The following KCP variants were observed in gnomAD, a reference collection of about 807,000 sequenced individuals.
KCP encodes the protein kielin cysteine rich BMP regulator, also known as kielin/chordin-like protein.
Under a neutral mutation model 212.7 loss-of-function variants are expected in KCP, and 194 were observed. The ratio of observed to expected loss-of-function variants is 0.91; its 90% CI spans 0.81 to 1.03. KCP has a LOEUF of 1.03. KCP is among the 50% of genes least tolerant of loss of function. The probability of loss-of-function intolerance (pLI) is 0.00; values close to 1 mark genes in which losing one functional copy is unlikely to be tolerated. For synonymous variants in KCP, 833 were observed against 865.3 expected, an observed-to-expected ratio of 0.96 and a Z score of 0.65; for missense variants, 2,080 against 2,162.5, an observed-to-expected ratio of 0.96 and a Z score of 0.76.
chr7:128,882,438 A>G (rs1281855315), intron 29 of KCP, among the ~76,000 whole-genome samples: 1 of 152,206 alleles, frequency 6.6e-6, no homozygotes, highest in East Asian at 1.9e-4. Context: ...ATTAGGTTGG[A>G]TTAATCCACC....
intron 2 of KCP, 67 bp downstream of exon 2, chr7:128,908,359 C>G: frequency 1.4e-6 from 2 of 1,467,528 alleles, no homozygotes; most frequent in Non-Finnish European, 1.8e-6. Context: ...AAGCCTAACT[C>G]CTTCTCTCCC....
rs565264848 is a variant in KCP at position 128,907,436 on chromosome 7, C to T, written c.237G>A (p.Thr79=). ...ELREQNKDLQ[T]RVRQLESCEC... ...CACAGGACTCCAGCTGCCTCACCCTCGTCTGCAGGTCCTTATTCTGGAGGA... is the reference window on the plus strand; with the variant it reads ...CACAGGACTCCAGCTGCCTCACCCTTGTCTGCAGGTCCTTATTCTGGAGGA... Residue 79 remains threonine (T), a synonymous_variant, in exon 3 of 40, where the codon ACG becomes ACA. Coordinates refer to ENST00000610776, the MANE Select transcript of KCP (RefSeq NM_001366122.1). The T allele has an allele frequency of 9.3e-5, 140 of 1,498,080 alleles. 1 individual carries two copies. The South Asian group carries it at 1.0e-3, about 11-fold the overall frequency. 92.8% of individuals were successfully genotyped at this position (1,498,080 alleles called of 1,614,324 possible).
At position 128,904,124 on chromosome 7, in the gene KCP, C is replaced by T. The variant is rs1795002865; in HGVS notation, c.586G>A (p.Gly196Arg). The T allele has an allele frequency of 1.3e-6, 2 of 1,551,526 alleles. No homozygotes were observed. The highest frequency in any genetic ancestry group is 2.7e-5 in the African/African-American group (2 of 72,998). The change falls in exon 6 of 40, where the codon GGG (glycine) becomes AGG (arginine). Residue 196 changes from glycine to arginine, a missense_variant. Physicochemically the swap from Gly to Arg is moderately radical, Grantham distance 125 (BLOSUM62 -2). Coordinates refer to ENST00000610776, the MANE Select transcript of KCP (RefSeq NM_001366122.1). ...GTGACCCCCTCCTCATAAAGCTGCC[C>T]CTCATAATCACAGCCTGGGAAGGTT... ...PHCKPGCDYE[G>R]QLYEEGVTFL...
At chr7:128,885,642 C>T (rs988234534) in intron 26 of KCP, among the ~76,000 whole-genome samples, 8 of 152,182 alleles carry the variant, frequency 5.3e-5, no homozygotes, top group South Asian at 2.1e-4. Context: ...TCAGTCTCTC[C>T]GGGCCTCAGT....
At chr7:128,887,872 CACAA>C (rs772457256) in intron 22 of KCP, among the ~76,000 whole-genome samples, 61 of 149,074 alleles carry the variant, frequency 4.1e-4, no homozygotes, top group South Asian at 6.4e-4. Context: ...CACACAGCCA[CACAA>C]ACATACACAT....
chr7:128,888,785 T>G (rs1457905184), intron 22 of KCP, 78 bp downstream of exon 22: 2 of 1,367,034 alleles, frequency 1.5e-6, no homozygotes, highest in Non-Finnish European at 2.0e-6. Context: ...GTGGGAGGGC[T>G]GGGAGGAAAG....
chr7:128,888,706 G>A (rs897714567), intron 22 of KCP, among the ~76,000 whole-genome samples, 157 bp downstream of exon 22: 4 of 151,998 alleles, frequency 2.6e-5, no homozygotes, highest in Admixed American at 6.6e-5. Flanking sequence ...ACACACAGCC[G>A]TGCCCGGGAC....
At chr7:128,889,376 A>G (rs531004842) in intron 21 of KCP, among the ~76,000 whole-genome samples, 1 of 152,264 alleles carries the variant, frequency 6.6e-6, no homozygotes, top group African/African-American at 2.4e-5. Context: ...AGCTGGGAGT[A>G]GCCCCAGCTG....
intron 16 of KCP, 114 bp downstream of exon 16, chr7:128,892,400 A>G: frequency 1.3e-6 from 1 of 767,476 alleles, no homozygotes; most frequent in Non-Finnish European, 2.1e-6. Context: ...CTGAAACAAG[A>G]CTGAAACAAT....
intron 21 of KCP, 72 bp from the exon 22 acceptor site, chr7:128,889,111 G>C: frequency 8.0e-7 from 1 of 1,253,306 alleles, no homozygotes; most frequent in Non-Finnish European, 1.1e-6. Flanking sequence ...CATAGGCTCT[G>C]AGCTTGGGCC....
chr7:128,881,470 C>G (rs1458714671), intron 31 of KCP, among the ~76,000 whole-genome samples, 156 bp downstream of exon 31: 1 of 151,950 alleles, frequency 6.6e-6, no homozygotes, highest in African/African-American at 2.4e-5. Context: ...ACCTCAAGAA[C>G]AGCCCCCCTC....
At chr7:128,904,218 A>G in intron 5 of KCP, 80 bp from the exon 6 acceptor site, 1 of 1,527,268 alleles carries the variant, frequency 6.5e-7, no homozygotes, top group South Asian at 1.2e-5. Context: ...GCATGACCCC[A>G]AGTAGGTACT....
At chr7:128,880,127 C>G in intron 34 of KCP, 42 bp from the exon 35 acceptor site, 3 of 1,481,210 alleles carry the variant, frequency 2.0e-6, no homozygotes, top group Non-Finnish European at 2.7e-6. Flanking sequence ...CCGCCCTCCC[C>G]GCCATGCCTC....
At chr7:128,880,122 C>G (rs1350730583) in intron 34 of KCP, 37 bp from the exon 35 acceptor site, 1 of 1,487,614 alleles carries the variant, frequency 6.7e-7, no homozygotes, top group South Asian at 1.3e-5. Flanking sequence ...ACACACCGCC[C>G]TCCCCGCCAT....
At chr7:128,884,175 GC>G (rs1238906156) in intron 28 of KCP, 53 bp from the exon 29 acceptor site, 26 of 1,501,020 alleles carry the variant, frequency 1.7e-5, no homozygotes, top group Non-Finnish European at 2.3e-5. Context: ...ACCCAGAGCT[GC>G]CCTTGGCCGG....
chr7:128,902,983 G>T (rs1047291597), intron 7 of KCP, 124 bp from the exon 8 acceptor site: 1 of 715,384 alleles, frequency 1.4e-6, no homozygotes, highest in Admixed American at 2.4e-5. Flanking sequence ...AGACTAGATG[G>T]GGTCAGATCT....
rs984937251 is a variant in KCP at position 128,893,225 on chromosome 7, CT to C, written c.1267+12del. On this transcript the variant is annotated intron_variant, in intron 13 of 39. Coordinates refer to ENST00000610776, the MANE Select transcript of KCP (RefSeq NM_001366122.1). The stretch of plus-strand genomic sequence containing the variant: ...GCGCCCATAGCAGCTGCTCCTCCCC[CT>C]CTCACACACACCTGGGCAGAGCTGG... The C allele has an allele frequency of 1.0e-5, 16 of 1,550,520 alleles. No individual in the cohort carries two copies. In the African/African-American group the frequency reaches 2.2e-4, roughly 21 times the overall value.
chr7:128,910,061 C>T (rs140610003), intron 1 of KCP, among the ~76,000 whole-genome samples: 15 of 152,290 alleles, frequency 9.8e-5, no homozygotes, highest in Non-Finnish European at 1.9e-4. Context: ...TATGGGAGCC[C>T]GGGAGAAGCT....
chr7:128,904,179 C>A, intron 5 of KCP, 41 bp from the exon 6 acceptor site: 2 of 1,536,142 alleles, frequency 1.3e-6, no homozygotes, highest in Non-Finnish European at 1.8e-6. Context: ...CACCAGGCAG[C>A]AGGGTGGGTG....
Sources: allele counts gnomAD v4.1 joint callset (sites outside exome capture counted in the v4.1 genomes callset), GRCh38; gene constraint gnomAD v4.1.1; transcripts MANE v1.5; gene names NCBI Gene and HGNC (gene_info 2026-07-23, HGNC 2026-07-21).